The following RIT2 variants were observed in gnomAD, a reference collection of about 807,000 sequenced individuals.
The protein encoded by RIT2 is GTP-binding protein Rit2.
A neutral mutation model predicts 23.7 loss-of-function variants in RIT2; 24 were observed. The observed-to-expected ratio is 1.01, with a 90% CI of 0.73 to 1.43. The LOEUF is 1.43. Among genes scored for constraint, RIT2 ranks in the 40% most tolerant of loss-of-function variants. RIT2 has a pLI of 0.00. For missense variants in RIT2, 236 were observed against 266.9 expected, an observed-to-expected ratio of 0.88 and a Z score of 0.81; for synonymous variants, 107 against 91.1, an observed-to-expected ratio of 1.17 and a Z score of -0.99.
At chr18:43,043,225 G>A (rs918114918) in intron 1 of RIT2, among the ~76,000 whole-genome samples, 1 of 152,066 alleles carries the variant, frequency 6.6e-6, no homozygotes. Flanking sequence ...TAACAAAATT[G>A]TTTTGAGAGC....
intron 4 of RIT2, among the ~76,000 whole-genome samples, chr18:42,776,326 C>T (rs1343667190): frequency 6.6e-6 from 1 of 152,152 alleles, no homozygotes; most frequent in African/African-American, 2.4e-5. Flanking sequence ...CCTGTTAAAC[C>T]TGTAGTTAGC....
intron 1 of RIT2, among the ~76,000 whole-genome samples, chr18:43,095,811 A>G (rs1432742927): frequency 6.6e-6 from 1 of 151,968 alleles, no homozygotes; most frequent in Non-Finnish European, 1.5e-5. Context: ...ACACTATTAT[A>G]TCTGGAAATA....
At chr18:42,786,627 A>G (rs1375453172) in intron 4 of RIT2, among the ~76,000 whole-genome samples, 2 of 152,120 alleles carry the variant, frequency 1.3e-5, no homozygotes, top group Non-Finnish European at 2.9e-5. Flanking sequence ...GGGACTGACA[A>G]TCATCTCTGG....
At chr18:42,801,715 A>G (rs1238216495) in intron 4 of RIT2, among the ~76,000 whole-genome samples, 3 of 152,204 alleles carry the variant, frequency 2.0e-5, no homozygotes, top group Non-Finnish European at 4.4e-5. Flanking sequence ...CTTGGTTACT[A>G]GTACCAATTA....
rs572426929 is a variant in RIT2 at position 42,808,115 on chromosome 18, C to A, written c.427-64395G>T. ...ATTCCTGGAAGACTTAGCATGGCATCTTTCAAGGTTGTTTTGCTCAATGGA... is the reference window on the plus strand; with the variant it reads ...ATTCCTGGAAGACTTAGCATGGCATATTTCAAGGTTGTTTTGCTCAATGGA... On this transcript the variant is annotated intron_variant, in intron 4 of 4. Transcript: ENST00000326695. 3.3e-5 allele frequency among the ~76,000 whole-genome samples: 5 copies of A among 152,302 alleles called. No individual in the cohort carries two copies. The South Asian group carries it at 1.0e-3, about 32-fold the overall frequency.
intron 4 of RIT2, among the ~76,000 whole-genome samples, chr18:42,800,094 A>C (rs116308008): frequency 1.6e-4 from 24 of 152,338 alleles, no homozygotes; most frequent in African/African-American, 5.8e-4. Flanking sequence ...ACATTGGTTA[A>C]TCAAAAGAAT....
intron 4 of RIT2, among the ~76,000 whole-genome samples, chr18:42,898,713 G>A (rs1908396596): frequency 1.3e-5 from 2 of 152,082 alleles, no homozygotes; most frequent in Non-Finnish European, 2.9e-5. Context: ...GATTCCATGT[G>A]ATCATCACTT....
chr18:42,805,270 A>G (rs951207476), intron 4 of RIT2, among the ~76,000 whole-genome samples: 3 of 152,214 alleles, frequency 2.0e-5, no homozygotes, highest in Non-Finnish European at 4.4e-5. Context: ...GTATTGCTTT[A>G]CATTTCTTCA....
chr18:43,020,046 A>G (rs1041915395), intron 2 of RIT2, among the ~76,000 whole-genome samples: 13 of 152,106 alleles, frequency 8.5e-5, no homozygotes, highest in African/African-American at 3.1e-4. Flanking sequence ...GATATAAAAA[A>G]CAAATGGGAA....
At chr18:42,783,423 A>G (rs72903030) in intron 4 of RIT2, among the ~76,000 whole-genome samples, 135 of 152,302 alleles carry the variant, frequency 8.9e-4, no homozygotes, top group Admixed American at 3.7e-3. Context: ...TCCAAATTAC[A>G]TTTAGCCTGT....
At chr18:42,919,381 G>A (rs1183301271) in intron 4 of RIT2, among the ~76,000 whole-genome samples, 23 of 152,032 alleles carry the variant, frequency 1.5e-4, no homozygotes, top group Non-Finnish European at 5.9e-5. Flanking sequence ...TTACACTGTT[G>A]GTACCGAAAG....
chr18:42,964,247 A>G (rs1021008506), intron 3 of RIT2, among the ~76,000 whole-genome samples: 15 of 151,708 alleles, frequency 9.9e-5, no homozygotes, highest in African/African-American at 1.5e-4. Flanking sequence ...CAATCAATCA[A>G]TCTTCAGGCC....
intron 4 of RIT2, among the ~76,000 whole-genome samples, chr18:42,783,013 G>C (rs1913846708): frequency 6.6e-6 from 1 of 152,026 alleles, no homozygotes; most frequent in African/African-American, 2.4e-5. Context: ...TATGCCAGTG[G>C]ACCAACCAGG....
intron 4 of RIT2, among the ~76,000 whole-genome samples, chr18:42,828,288 C>T (rs1055999409): frequency 6.6e-6 from 1 of 152,154 alleles, no homozygotes; most frequent in Non-Finnish European, 1.5e-5. Flanking sequence ...CAAACACTTA[C>T]ATTGATCATT....
At chr18:43,034,712 T>C (rs1022491345) in intron 1 of RIT2, among the ~76,000 whole-genome samples, 1 of 152,212 alleles carries the variant, frequency 6.6e-6, no homozygotes, top group Non-Finnish European at 1.5e-5. Flanking sequence ...GACCCTGTCC[T>C]TGCATTCTGG....
At chr18:42,985,312 G>C (rs181298070) in intron 2 of RIT2, among the ~76,000 whole-genome samples, 194 of 152,192 alleles carry the variant, frequency 1.3e-3, no homozygotes, top group African/African-American at 4.4e-3. Context: ...ATGTTTATGG[G>C]TTGGATGATT....
intron 1 of RIT2, among the ~76,000 whole-genome samples, chr18:43,048,788 C>A (rs1399200330): frequency 6.6e-6 from 1 of 151,906 alleles, no homozygotes; most frequent in Non-Finnish European, 1.5e-5. Flanking sequence ...TGATGTTGTC[C>A]CATCTGTTTG....
intron 1 of RIT2, among the ~76,000 whole-genome samples, chr18:43,102,590 C>A (rs1913712688): frequency 6.6e-6 from 1 of 151,740 alleles, no homozygotes; most frequent in Non-Finnish European, 1.5e-5. Context: ...AATGTGTACA[C>A]TGCTTCTGAT....
intron 4 of RIT2, among the ~76,000 whole-genome samples, chr18:42,755,533 T>G (rs1468342352): frequency 6.6e-6 from 1 of 152,148 alleles, no homozygotes; most frequent in East Asian, 1.9e-4. Context: ...TACTCTTATT[T>G]TGTTGATAGG....
Sources: gnomAD v4.1 joint callset for allele counts (sites outside exome capture counted in the v4.1 genomes callset) on GRCh38, gnomAD v4.1.1 for gene constraint, MANE v1.5 for transcripts, NCBI Gene and HGNC (gene_info 2026-07-23, HGNC 2026-07-21) for gene names.